MAGI2: variants seen among roughly 807,000 people sequenced by gnomAD.
The protein encoded by MAGI2 is membrane associated guanylate kinase, WW and PDZ domain containing 2, also known as membrane-associated guanylate kinase, WW and PDZ domain-containing protein 2.
Under a neutral mutation model 133.3 loss-of-function variants are expected in MAGI2, and 35 were observed. The observed-to-expected ratio is 0.26, with a 90% CI of 0.20 to 0.35. The LOEUF is 0.35. Ranked by LOEUF, MAGI2 falls within the 10% of genes least tolerant of loss-of-function variation. The probability of loss-of-function intolerance (pLI) is 1.00; values close to 1 mark genes in which losing one functional copy is unlikely to be tolerated. For synonymous variants in MAGI2, 729 were observed against 710.6 expected (o/e 1.03, Z -0.41); for missense variants, 1,636 against 1,863.4 (o/e 0.88, Z 2.25).
intron 2 of MAGI2, among the ~76,000 whole-genome samples, chr7:78,823,161 A>T (rs1238543701): frequency 2.0e-5 from 3 of 152,210 alleles, no homozygotes; most frequent in African/African-American, 7.2e-5. Context: ...ATCTTATTTT[A>T]AATAGATAAG....
At chr7:78,582,840 T>C (rs1802985563) in intron 3 of MAGI2, among the ~76,000 whole-genome samples, 1 of 152,200 alleles carries the variant, frequency 6.6e-6, no homozygotes, top group South Asian at 2.1e-4. Flanking sequence ...CCTTACCTGA[T>C]TTAATACTTT....
chr7:79,080,615 A>C (rs1815953340), intron 1 of MAGI2, among the ~76,000 whole-genome samples: 1 of 152,126 alleles, frequency 6.6e-6, no homozygotes, highest in Admixed American at 6.6e-5. Context: ...AAAAGATAGG[A>C]GTGCTCCTAT....
intron 3 of MAGI2, among the ~76,000 whole-genome samples, chr7:78,536,336 T>A (rs887055596): frequency 3.3e-5 from 5 of 151,440 alleles, no homozygotes; most frequent in African/African-American, 4.9e-5. Context: ...ATGGTCTCGA[T>A]CTCCTGACCT....
chr7:78,322,867 G>A (rs1409676572), intron 9 of MAGI2, among the ~76,000 whole-genome samples: 5 of 151,908 alleles, frequency 3.3e-5, no homozygotes, highest in Admixed American at 1.3e-4. Context: ...TTGGAGTTTC[G>A]ACCCTAAGGA....
At chr7:78,686,506 CA>C (rs1816330609) in intron 2 of MAGI2, among the ~76,000 whole-genome samples, 1 of 148,456 alleles carries the variant, frequency 6.7e-6, no homozygotes, top group Non-Finnish European at 1.5e-5. Context: ...GTTTTCATCA[CA>C]GGCTTCTCCC....
At chr7:78,840,006 C>T (rs540918174) in intron 2 of MAGI2, among the ~76,000 whole-genome samples, 120 of 152,034 alleles carry the variant, frequency 7.9e-4, no homozygotes, top group Middle Eastern at 3.4e-3. Context: ...GGTCAGCTAC[C>T]GTCTTTTATT....
chr7:79,354,751 G>A (rs1204704242), intron 1 of MAGI2, among the ~76,000 whole-genome samples: 1 of 152,126 alleles, frequency 6.6e-6, no homozygotes, highest in Non-Finnish European at 1.5e-5. Context: ...CCTCACAATG[G>A]TAATATTAGA....
intron 1 of MAGI2, among the ~76,000 whole-genome samples, chr7:79,428,057 A>G (rs1054548418): frequency 2.0e-5 from 3 of 152,168 alleles, no homozygotes; most frequent in Non-Finnish European, 4.4e-5. Flanking sequence ...TGGGGTCCCT[A>G]AAAGAAACTG....
At chr7:78,035,922 GT>G (rs1263758249) in intron 21 of MAGI2, among the ~76,000 whole-genome samples, 1 of 152,118 alleles carries the variant, frequency 6.6e-6, no homozygotes, top group African/African-American at 2.4e-5. Context: ...TTGCCCAACA[GT>G]AAATTTGTGT....
At position 78,583,080 on chromosome 7, in the gene MAGI2, G is replaced by A. The variant is rs138095884; in HGVS notation, c.538+44040C>T. 5.6e-3 allele frequency among the ~76,000 whole-genome samples: 859 copies of A among 152,292 alleles called. 7 individuals are homozygous for A. The highest frequency in any genetic ancestry group is 0.02 in the African/African-American group (817 of 41,530). On this transcript the variant is annotated intron_variant, in intron 3 of 21. Transcript: ENST00000354212. ...CCACTCAAGTCAACACGGAGGAAGT[G>A]TGAGTATAGAAAAAGACTAGGGATT... is the stretch of plus-strand genomic sequence containing the variant.
chr7:79,188,223 G>T (rs914716706), intron 1 of MAGI2, among the ~76,000 whole-genome samples: 7 of 151,800 alleles, frequency 4.6e-5, no homozygotes, highest in Admixed American at 4.6e-4. Flanking sequence ...CATCACCTAG[G>T]TATTAAGCCC....
At chr7:78,323,918 T>C (rs1788274994) in intron 9 of MAGI2, among the ~76,000 whole-genome samples, 1 of 152,156 alleles carries the variant, frequency 6.6e-6, no homozygotes, top group Admixed American at 6.5e-5. Context: ...AGCAAAAACC[T>C]GGGGCATATA....
chr7:78,118,677 C>T (rs963757103), intron 20 of MAGI2, among the ~76,000 whole-genome samples: 1 of 152,140 alleles, frequency 6.6e-6, no homozygotes, highest in African/African-American at 2.4e-5. Context: ...ATCAGAATGG[C>T]CCAAATCCAT....
At chr7:78,762,067 T>G (rs931184174) in intron 2 of MAGI2, among the ~76,000 whole-genome samples, 2 of 152,210 alleles carry the variant, frequency 1.3e-5, no homozygotes, top group Non-Finnish European at 2.9e-5. Context: ...TACTTCATAG[T>G]CTCTTAGAGA....
intron 10 of MAGI2, among the ~76,000 whole-genome samples, chr7:78,214,485 TATGAG>T (rs1334409672): frequency 6.6e-6 from 1 of 152,262 alleles, no homozygotes; most frequent in Non-Finnish European, 1.5e-5. Flanking sequence ...AGATATGAGA[TATGAG>T]ATATCAATAT....
chr7:78,518,824 C>T (rs1189488412), intron 4 of MAGI2: 1 of 152,230 alleles, frequency 6.6e-6, no homozygotes, highest in Admixed American at 6.5e-5. Flanking sequence ...CCTTGACCTC[C>T]TCGGGCTCAG....
At chr7:78,802,892 T>C (rs1441823155) in intron 2 of MAGI2, among the ~76,000 whole-genome samples, 1 of 150,740 alleles carries the variant, frequency 6.6e-6, no homozygotes, top group Non-Finnish European at 1.5e-5. Context: ...AATTTTGCAG[T>C]GAACCTAAAA....
chr7:78,404,099 C>T (rs568336542), intron 6 of MAGI2, among the ~76,000 whole-genome samples: 3 of 151,910 alleles, frequency 2.0e-5, no homozygotes, highest in African/African-American at 7.2e-5. Context: ...CTAGGAATCC[C>T]ACTTACAAGG....
In MAGI2 at chr7:78,945,882, T is replaced by A. The variant is rs529860458; in HGVS notation, c.418+61208A>T. ...TCATCTTCGGGATCTTCCTCATCTG[T>A]CCCAGAATAGCCCAGAGATAGTCCT... On this transcript the variant is annotated intron_variant, in intron 2 of 21. Coordinates refer to ENST00000354212, the MANE Select transcript of MAGI2 (RefSeq NM_012301.4). Among the ~76,000 whole-genome samples the A allele has an allele frequency of 7.2e-5, 11 of 152,280 alleles. No homozygotes were observed. In the East Asian group the frequency reaches 1.9e-3, roughly 27 times the overall value.
Sources: allele counts gnomAD v4.1 joint callset (sites outside exome capture counted in the v4.1 genomes callset), GRCh38; gene constraint gnomAD v4.1.1; transcripts MANE v1.5; gene names NCBI Gene and HGNC (gene_info 2026-07-23, HGNC 2026-07-21).